Variants in LPCAT2 observed in about 807,000 individuals in gnomAD.
LPCAT2 encodes the protein lysophosphatidylcholine acyltransferase 2.
LPCAT2 carries 58 observed loss-of-function variants against 64.7 expected under a neutral mutation model. The observed-to-expected ratio is 0.90, with a 90% CI of 0.73 to 1.12. The LOEUF is 1.12. Ranked by LOEUF, LPCAT2 falls within the 50% of genes most tolerant of loss-of-function variation. The probability of loss-of-function intolerance (pLI) is 0.00; values close to 1 mark genes in which losing one functional copy is unlikely to be tolerated. For synonymous variants in LPCAT2, 252 were observed against 245.3 expected, an observed-to-expected ratio of 1.03 and a Z score of -0.26; for missense variants, 579 against 669.8, an observed-to-expected ratio of 0.86 and a Z score of 1.50.
intron 8 of LPCAT2, 151 bp downstream of exon 8, chr16:55,537,783 A>G: frequency 1.6e-6 from 1 of 623,180 alleles, no homozygotes; most frequent in Non-Finnish European, 2.8e-6. Flanking sequence ...TTAGCCCTTG[A>G]AATCATGTTA....
chr16:55,576,318 G>A (rs184798903), intron 12 of LPCAT2, among the ~76,000 whole-genome samples: 57 of 151,842 alleles, frequency 3.8e-4, no homozygotes, highest in African/African-American at 1.3e-3. Context: ...TTACATATAG[G>A]ATTCTTTTAC....
intron 8 of LPCAT2, among the ~76,000 whole-genome samples, chr16:55,544,631 A>G (rs1261847828): frequency 6.6e-6 from 1 of 152,234 alleles, no homozygotes; most frequent in East Asian, 1.9e-4. Flanking sequence ...ATTCTTAAAA[A>G]GCCAACATCA....
At chr16:55,516,228 C>T (rs1669008008) in intron 1 of LPCAT2, among the ~76,000 whole-genome samples, 1 of 152,146 alleles carries the variant, frequency 6.6e-6, no homozygotes, top group African/African-American at 2.4e-5. Flanking sequence ...TCTCAGCCTC[C>T]TGAGTGGCTG....
At chr16:55,544,572 G>T (rs1165609835) in intron 8 of LPCAT2, among the ~76,000 whole-genome samples, 1 of 152,138 alleles carries the variant, frequency 6.6e-6, no homozygotes, top group East Asian at 1.9e-4. Flanking sequence ...ATGATGCCTG[G>T]TTTGTAGTTA....
chr16:55,578,601 C>A (rs912418798), intron 12 of LPCAT2, among the ~76,000 whole-genome samples: 1 of 152,106 alleles, frequency 6.6e-6, no homozygotes, highest in African/African-American at 2.4e-5. Context: ...CCAATTCATC[C>A]TCCATACTCT....
intron 11 of LPCAT2, chr16:55,566,580 C>T: frequency 1.6e-6 from 1 of 629,508 alleles, no homozygotes; most frequent in Non-Finnish European, 2.7e-6. Context: ...GGTGCTAGGA[C>T]CTCATGGAAC....
At chr16:55,549,761 A>G (rs1963494736) in intron 10 of LPCAT2, among the ~76,000 whole-genome samples, 1 of 152,202 alleles carries the variant, frequency 6.6e-6, no homozygotes. Context: ...TCAGAACTTC[A>G]CATGTGAAAC....
chr16:55,543,779 C>G (rs2142393475), intron 8 of LPCAT2, among the ~76,000 whole-genome samples: 1 of 152,266 alleles, frequency 6.6e-6, no homozygotes, highest in East Asian at 1.9e-4. Flanking sequence ...TTTCATTTGA[C>G]AGGAGAGGGC....
intron 12 of LPCAT2, 33 bp downstream of exon 12, chr16:55,574,762 T>A: frequency 6.6e-7 from 1 of 1,508,686 alleles, no homozygotes; most frequent in Non-Finnish European, 9.2e-7. Flanking sequence ...CATCTTGGTC[T>A]GCCTTGTAAA....
chr16:55,557,207 C>A (rs1193165975), intron 11 of LPCAT2, among the ~76,000 whole-genome samples: 1 of 151,762 alleles, frequency 6.6e-6, no homozygotes, highest in Non-Finnish European at 1.5e-5. Flanking sequence ...GCATTTTCAC[C>A]TTTCTTTCCT....
intron 11 of LPCAT2, among the ~76,000 whole-genome samples, chr16:55,557,812 CA>C: frequency 6.6e-6 from 1 of 152,160 alleles, no homozygotes; most frequent in East Asian, 1.9e-4. Context: ...GGTTCGTCTA[CA>C]AAAACTTCAT....
chr16:55,553,950 T>G (rs1963546704), intron 11 of LPCAT2, among the ~76,000 whole-genome samples: 1 of 152,226 alleles, frequency 6.6e-6, no homozygotes, highest in Non-Finnish European at 1.5e-5. Flanking sequence ...GGTAACTAGG[T>G]GCATTCTCAG....
intron 11 of LPCAT2, among the ~76,000 whole-genome samples, chr16:55,551,867 TGAG>T (rs1207982108): frequency 6.6e-6 from 1 of 152,112 alleles, no homozygotes; most frequent in African/African-American, 2.4e-5. Flanking sequence ...GAAGATCACT[TGAG>T]CCCAGGAGGC....
chr16:55,546,619 A>G (rs1389959373), intron 9 of LPCAT2, among the ~76,000 whole-genome samples: 10 of 152,204 alleles, frequency 6.6e-5, no homozygotes, highest in Admixed American at 5.9e-4. Context: ...ATGTGTCTCT[A>G]TAAGTATATG....
intron 8 of LPCAT2, among the ~76,000 whole-genome samples, chr16:55,542,898 G>A (rs2142392846): frequency 6.6e-6 from 1 of 152,296 alleles, no homozygotes; most frequent in African/African-American, 2.4e-5. Flanking sequence ...AGTCATCAAT[G>A]TGAGTAATGA....
chr16:55,518,833 G>A (rs1304269), intron 1 of LPCAT2, among the ~76,000 whole-genome samples: 72,647 of 151,820 alleles, frequency 0.48, 18,058 homozygotes, highest in Non-Finnish European at 0.55. Context: ...GCTTAGAAGA[G>A]AACATAAGTG....
intron 8 of LPCAT2, chr16:55,538,544 T>G (rs544713264): frequency 6.4e-4 from 97 of 152,218 alleles, no homozygotes; most frequent in African/African-American, 2.3e-3. Context: ...GGAGGGCAAA[T>G]TACATTTCAG....
intron 10 of LPCAT2, among the ~76,000 whole-genome samples, 161 bp from the exon 11 acceptor site, chr16:55,550,788 A>G (rs1043760713): frequency 1.3e-5 from 2 of 152,208 alleles, no homozygotes; most frequent in Non-Finnish European, 2.9e-5. Context: ...GCCTGCATAT[A>G]TGTTGAATAT....
chr16:55,544,497 G>T (rs1289124610), intron 8 of LPCAT2, among the ~76,000 whole-genome samples: 2 of 152,170 alleles, frequency 1.3e-5, no homozygotes, highest in South Asian at 4.1e-4. Flanking sequence ...GCTTAGTGCA[G>T]TGCCTGAGCA....
Sources: gnomAD v4.1 joint callset for allele counts (sites outside exome capture counted in the v4.1 genomes callset) on GRCh38, gnomAD v4.1.1 for gene constraint, MANE v1.5 for transcripts, NCBI Gene and HGNC (gene_info 2026-07-23, HGNC 2026-07-21) for gene names.